The following PRDM16 variants were observed in gnomAD, a reference collection of about 807,000 sequenced individuals.
PRDM16 encodes PR/SET domain 16.
In PRDM16, 23 loss-of-function variants were observed where a neutral mutation model predicts 110.6. The ratio of observed to expected loss-of-function variants is 0.21; its 90% confidence interval spans 0.15 to 0.29. The LOEUF (loss-of-function observed/expected upper bound fraction) is 0.29, where lower values mean the gene tolerates loss of function less well. Among genes scored for constraint, PRDM16 ranks in the 10% least tolerant of loss-of-function variants. The pLI, the probability that PRDM16 is intolerant of heterozygous loss-of-function variation, is 1.00. For missense variants in PRDM16, 1,615 were observed against 1,794.3 expected (o/e 0.90, Z 1.81); for synonymous variants, 799 against 781.8 (o/e 1.02, Z -0.37).
rs1026278909 is a variant in PRDM16 at position 3,438,353 on chromosome 1, A to G, written c.*4542A>G. 1.5e-5 allele frequency: 3 copies of G among 202,436 alleles called. No homozygotes were observed. Among genetic ancestry groups the G allele is most frequent in the Non-Finnish European group, 3.0e-5 (3 of 98,514 alleles). The allele number at this position is 202,436 out of a possible 1,614,324, so 12.5% of individuals were successfully genotyped here. A position where few individuals can be genotyped will look rare whatever the true frequency, so the allele number is the denominator to read the frequency against. ...TGACGCGAAAGAGGCGCAGTTCCCA[A>G]TTAATACGGAAATCGCTGTGGGAGA... On this transcript the variant is annotated 3_prime_UTR_variant, in exon 17 of 17. Coordinates refer to ENST00000270722, the MANE Select transcript of PRDM16 (RefSeq NM_022114.4).
chr1:3,332,337 C>A (rs1413691185), intron 3 of PRDM16, among the ~76,000 whole-genome samples: 6 of 139,878 alleles, frequency 4.3e-5, no homozygotes, highest in African/African-American at 1.0e-4. Context: ...GTTGTTACAG[C>A]GGGAGCTGGA....
At position 3,425,453 on chromosome 1, in the gene PRDM16, ACACGGCGGGGCAAAGCTGTGCACGGGG is replaced by A. The variant is rs1638574824; in HGVS notation, c.2940-122_2940-96del. On this transcript the variant is annotated intron_variant, in intron 12 of 16. Transcript: ENST00000270722. This position sits in a 1 kb window ranked among gnomAD's most constrained non-coding sequence, Gnocchi z 6.9. The stretch of plus-strand genomic sequence containing the variant: ...GCTGGGAGATCCAGCAACCTCCGGG[ACACGGCGGGGCAAAGCTGTGCACGGGG>A]CACGGGGCAGGGGCGCGGGCTCCCT... 1 of 995,558 alleles carries A rather than the reference ACACGGCGGGGCAAAGCTGTGCACGGGG, an allele frequency of 1.0e-6. No homozygotes were observed. The highest frequency in any genetic ancestry group is 2.7e-5 in the Admixed American group (1 of 36,374). 61.7% of individuals were successfully genotyped at this position (995,558 alleles called of 1,614,324 possible).
intron 8 of PRDM16, among the ~76,000 whole-genome samples, chr1:3,409,831 G>GCA (rs1643644298): frequency 6.8e-6 from 1 of 146,560 alleles, no homozygotes; most frequent in Admixed American, 6.8e-5. Flanking sequence ...GTGGTTGTGT[G>GCA]TGGGTGTGTG....
chr1:3,277,318 ACT>A (rs970391974), intron 3 of PRDM16, among the ~76,000 whole-genome samples: 2 of 151,278 alleles, frequency 1.3e-5, no homozygotes, highest in Non-Finnish European at 2.9e-5. Context: ...CACACGCTTC[ACT>A]CTCCCTGTGG....
chr1:3,366,621 C>A (rs1642821365), intron 3 of PRDM16, among the ~76,000 whole-genome samples: 3 of 152,152 alleles, frequency 2.0e-5, no homozygotes, highest in African/African-American at 7.2e-5. Flanking sequence ...GCCCTGAGGA[C>A]TAAAAAAGAC....
intron 1 of PRDM16, among the ~76,000 whole-genome samples, chr1:3,162,170 C>A (rs930021916): frequency 2.0e-5 from 3 of 152,164 alleles, no homozygotes; most frequent in Admixed American, 1.3e-4. Context: ...GTTCAATATG[C>A]CCGGGCCACT....
chr1:3,175,995 C>G lies in PRDM16; in HGVS notation c.38-10130C>G, dbSNP rs1644080855. ...CCCATCCATCCATGCAGCCAGCCAG[C>G]CAGCCAGCCAGCCAGCCATCCCCTT... On this transcript the variant is annotated intron_variant, in intron 1 of 16. Coordinates refer to ENST00000270722, the MANE Select transcript of PRDM16 (RefSeq NM_022114.4). This position sits in a 1 kb window ranked among gnomAD's most constrained non-coding sequence, Gnocchi z 4.8. Among the ~76,000 whole-genome samples, 1 of 108,038 alleles carries G rather than the reference C, an allele frequency of 9.3e-6. No homozygotes were observed. Among genetic ancestry groups the G allele is most frequent in the Admixed American group, 1.0e-4 (1 of 9,882 alleles). The allele number at this position is 108,038 out of a possible 152,430, so 70.9% of individuals were successfully genotyped here.
intron 1 of PRDM16, among the ~76,000 whole-genome samples, chr1:3,177,950 G>A (rs920565771): frequency 4.6e-5 from 7 of 152,230 alleles, no homozygotes; most frequent in African/African-American, 1.7e-4. Flanking sequence ...TTTCAGAGCA[G>A]GCCAGCACAG....
At chr1:3,288,065 C>T (rs867027484) in intron 3 of PRDM16, among the ~76,000 whole-genome samples, 2 of 152,228 alleles carry the variant, frequency 1.3e-5, no homozygotes, top group African/African-American at 4.8e-5. Context: ...GAGGCAAGGC[C>T]CCTAAAGTCA....
chr1:3,349,085 G>A (rs1451300835), intron 3 of PRDM16, among the ~76,000 whole-genome samples: 1 of 152,194 alleles, frequency 6.6e-6, no homozygotes, highest in Non-Finnish European at 1.5e-5. Flanking sequence ...TCACCATAAC[G>A]ATTATTGAAT....
chr1:3,430,758 G>C lies in PRDM16; in HGVS notation c.3285-114G>C, dbSNP rs1314593942. The C allele has an allele frequency of 2.4e-6, 3 of 1,271,388 alleles. No homozygotes were observed. The African/African-American group carries it at 4.4e-5, about 19-fold the overall frequency. 78.8% of individuals were successfully genotyped at this position (1,271,388 alleles called of 1,614,324 possible). A position where few individuals can be genotyped will look rare whatever the true frequency, so the allele number is the denominator to read the frequency against. ...CCGCGGGAGCTCCCTCAGGAAGGGG[G>C]CTGAGTGTTGTCGGGGGAGGCAGTG... On this transcript the variant is annotated intron_variant, in intron 14 of 16. Transcript: ENST00000270722.
At chr1:3,429,599 C>T (rs1638710483) in intron 14 of PRDM16, among the ~76,000 whole-genome samples, 1 of 152,220 alleles carries the variant, frequency 6.6e-6, no homozygotes, top group Non-Finnish European at 1.5e-5. Flanking sequence ...CCCGAGGGCA[C>T]CTCACCAACA....
At chr1:3,355,646 C>A (rs541125556) in intron 3 of PRDM16, among the ~76,000 whole-genome samples, 17 of 152,264 alleles carry the variant, frequency 1.1e-4, no homozygotes, top group Non-Finnish European at 8.8e-5. Flanking sequence ...GCTATCCTGG[C>A]CACACACCTT....
chr1:3,221,634 C>T (rs1043216579), intron 2 of PRDM16, among the ~76,000 whole-genome samples: 1 of 152,212 alleles, frequency 6.6e-6, no homozygotes, highest in Admixed American at 6.5e-5. Context: ...TTGCATTTCC[C>T]CCTTCTCCCC....
At chr1:3,193,631 CAT>C (rs1380268299) in intron 2 of PRDM16, among the ~76,000 whole-genome samples, 1 of 152,216 alleles carries the variant, frequency 6.6e-6, no homozygotes, top group Non-Finnish European at 1.5e-5. Context: ...GTGGCTCAGA[CAT>C]ATTCTGAGAA....
chr1:3,105,853 G>A (rs1642639925), intron 1 of PRDM16, among the ~76,000 whole-genome samples: 2 of 152,242 alleles, frequency 1.3e-5, no homozygotes, highest in Admixed American at 6.5e-5. Flanking sequence ...CAGGCGAGAG[G>A]CCAGGGCAGC....
chr1:3,261,197 G>C (rs1275038091), intron 3 of PRDM16, among the ~76,000 whole-genome samples: 1 of 151,868 alleles, frequency 6.6e-6, no homozygotes, highest in African/African-American at 2.4e-5. Context: ...GGTCCTCTTA[G>C]GTGACCTCTC....
intron 2 of PRDM16, among the ~76,000 whole-genome samples, chr1:3,225,466 GAC>G (rs753420183): frequency 2.0e-5 from 3 of 151,992 alleles, no homozygotes; most frequent in Non-Finnish European, 4.4e-5. Context: ...ACGGCGCGTG[GAC>G]ACCACTCTCT....
intron 1 of PRDM16, among the ~76,000 whole-genome samples, chr1:3,107,955 T>C (rs1312746019): frequency 6.6e-6 from 1 of 152,222 alleles, no homozygotes; most frequent in African/African-American, 2.4e-5. Flanking sequence ...GGGGCTGAAT[T>C]GTCAGGGAAT....
Sources: allele counts gnomAD v4.1 joint callset (sites outside exome capture counted in the v4.1 genomes callset), GRCh38; gene constraint gnomAD v4.1.1; non-coding constraint Gnocchi (gnomAD v3.1); transcripts MANE v1.5; gene names NCBI Gene and HGNC (gene_info 2026-07-23, HGNC 2026-07-21).